The following CNTN4 variants were observed in gnomAD, a reference collection of about 807,000 sequenced individuals.
CNTN4 encodes the protein contactin 4.
A neutral mutation model predicts 122.5 loss-of-function variants in CNTN4; 77 were observed. The ratio of observed to expected loss-of-function variants is 0.63; its 90% confidence interval spans 0.52 to 0.76. CNTN4 has a LOEUF of 0.76. Among genes scored for constraint, CNTN4 ranks in the 30% least tolerant of loss-of-function variants. The pLI, the probability that CNTN4 is intolerant of heterozygous loss-of-function variation, is 0.00. For missense variants in CNTN4, 1,256 were observed against 1,259.1 expected (o/e 1.00, Z 0.04); for synonymous variants, 512 against 447.0 (o/e 1.15, Z -1.83).
chr3:2,359,409 A>G (rs1189445156), intron 3 of CNTN4, among the ~76,000 whole-genome samples: 8 of 152,200 alleles, frequency 5.3e-5, no homozygotes. Context: ...AAACAATTGT[A>G]GTTTCTGATA....
chr3:2,135,324 C>T (rs2034637722), intron 2 of CNTN4, among the ~76,000 whole-genome samples: 1 of 152,090 alleles, frequency 6.6e-6, no homozygotes, highest in African/African-American at 2.4e-5. Context: ...TGTTATTTTT[C>T]CTAGCAGTGT....
At chr3:2,595,691 C>G (rs545116175) in intron 4 of CNTN4, among the ~76,000 whole-genome samples, 1 of 152,240 alleles carries the variant, frequency 6.6e-6, no homozygotes, top group South Asian at 2.1e-4. Context: ...GGTGTAGCCC[C>G]TCCTACTGGG....
chr3:2,281,026 A>T (rs2041695488), intron 2 of CNTN4, among the ~76,000 whole-genome samples: 1 of 152,184 alleles, frequency 6.6e-6, no homozygotes, highest in Admixed American at 6.5e-5. Context: ...TGACACGCTG[A>T]TGGGATGAAA....
At chr3:2,933,236 G>T (rs534246971) in intron 13 of CNTN4, among the ~76,000 whole-genome samples, 2 of 152,270 alleles carry the variant, frequency 1.3e-5, no homozygotes, top group East Asian at 1.9e-4. Context: ...GGTCAGCCAA[G>T]GGATAATTTC....
intron 4 of CNTN4, among the ~76,000 whole-genome samples, chr3:2,700,076 A>G (rs1241676581): frequency 2.0e-5 from 3 of 152,120 alleles, no homozygotes; most frequent in Admixed American, 6.5e-5. Flanking sequence ...AAGTGCATGC[A>G]CTACTGAGCC....
chr3:2,919,554 A>G (rs2094406659), intron 12 of CNTN4, among the ~76,000 whole-genome samples: 1 of 152,174 alleles, frequency 6.6e-6, no homozygotes, highest in African/African-American at 2.4e-5. Flanking sequence ...ACTATTTCCT[A>G]GCTACTGAAA....
Position 2,900,817 on chromosome 3 carries a change from C to T in CNTN4, c.1073C>T (p.Thr358Ile). 1.2e-6 allele frequency: 2 copies of T among 1,613,858 alleles called. No individual in the cohort carries two copies. The highest frequency in any genetic ancestry group is 1.7e-6 in the Non-Finnish European group (2 of 1,179,758). ...KWLKNGEPLL[T>I]RDRIQIEQGT... ...CTAAAAAATGGCGAACCTCTGCTAA[C>T]TCGGGTAAGCAAGTTAATGGTAATT... Residue 358 changes from threonine to isoleucine, a missense_variant, in exon 11 of 25, where the codon ACT becomes ATT. Transcript: ENST00000418658.
chr3:2,374,578 G>GA (rs2045750021), intron 3 of CNTN4, among the ~76,000 whole-genome samples: 1 of 152,090 alleles, frequency 6.6e-6, no homozygotes, highest in South Asian at 2.1e-4. Context: ...GTCTATGTGT[G>GA]AAGTAGGGAC....
intron 2 of CNTN4, among the ~76,000 whole-genome samples, chr3:2,291,011 C>T (rs1219273898): frequency 6.6e-6 from 1 of 152,086 alleles, no homozygotes; most frequent in Admixed American, 6.5e-5. Context: ...AAGAATCCAA[C>T]TATATATATT....
At chr3:3,012,807 A>G (rs1280371488) in intron 14 of CNTN4, among the ~76,000 whole-genome samples, 3 of 151,940 alleles carry the variant, frequency 2.0e-5, no homozygotes, top group South Asian at 2.1e-4. Flanking sequence ...CATCTCTACT[A>G]AAAATACAAA....
intron 6 of CNTN4, among the ~76,000 whole-genome samples, chr3:2,765,079 G>C (rs2090785692): frequency 6.6e-6 from 1 of 152,186 alleles, no homozygotes; most frequent in Non-Finnish European, 1.5e-5. Flanking sequence ...ACTGAGTTTA[G>C]AATTTGATGG....
chr3:3,003,443 A>G (rs1401724087), intron 14 of CNTN4, among the ~76,000 whole-genome samples: 3 of 152,198 alleles, frequency 2.0e-5, no homozygotes, highest in African/African-American at 7.2e-5. Context: ...TGCTATTGAT[A>G]TGTGGATGAA....
chr3:2,788,249 C>T (rs1441516703), intron 6 of CNTN4, among the ~76,000 whole-genome samples: 1 of 151,996 alleles, frequency 6.6e-6, no homozygotes, highest in Non-Finnish European at 1.5e-5. Context: ...ATTCAGGCAC[C>T]CAAGGGAAAT....
intron 2 of CNTN4, among the ~76,000 whole-genome samples, chr3:2,194,731 G>T (rs1227889367): frequency 6.6e-6 from 1 of 152,152 alleles, no homozygotes; most frequent in Non-Finnish European, 1.5e-5. Context: ...AAAATGCCAT[G>T]TGAAAACAGA....
intron 3 of CNTN4, among the ~76,000 whole-genome samples, chr3:2,426,446 T>G (rs1294681979): frequency 2.0e-5 from 3 of 152,214 alleles, no homozygotes; most frequent in Non-Finnish European, 2.9e-5. Context: ...ATAAGCTTTT[T>G]GATGTGCTGC....
intron 12 of CNTN4, among the ~76,000 whole-genome samples, chr3:2,908,037 C>A (rs1021633023): frequency 1.3e-5 from 2 of 152,100 alleles, no homozygotes; most frequent in Non-Finnish European, 2.9e-5. Context: ...GCTGTCTTAG[C>A]CTGAGTCATG....
intron 8 of CNTN4, among the ~76,000 whole-genome samples, chr3:2,875,098 C>G (rs1577118784): frequency 6.6e-6 from 1 of 151,850 alleles, no homozygotes; most frequent in Admixed American, 6.6e-5. Context: ...TTCTCTTGCC[C>G]CAGCCTCCCG....
intron 18 of CNTN4, among the ~76,000 whole-genome samples, chr3:3,038,652 C>A (rs960413020): frequency 1.3e-5 from 2 of 152,220 alleles, no homozygotes; most frequent in Non-Finnish European, 2.9e-5. Context: ...TCGGGAACCC[C>A]TCGGCCTCTA....
At chr3:2,737,995 A>C (rs1377018620) in intron 5 of CNTN4, among the ~76,000 whole-genome samples, 3 of 152,224 alleles carry the variant, frequency 2.0e-5, no homozygotes, top group African/African-American at 7.2e-5. Context: ...GAAAGAGACA[A>C]AGGGAAGCAA....
Sources: allele counts gnomAD v4.1 joint callset (sites outside exome capture counted in the v4.1 genomes callset), GRCh38; gene constraint gnomAD v4.1.1; transcripts MANE v1.5; gene names NCBI Gene and HGNC (gene_info 2026-07-23, HGNC 2026-07-21).